The following C6orf52 variants were observed in gnomAD, a reference collection of about 807,000 sequenced individuals.
The protein encoded by C6orf52 is putative uncharacterized protein C6orf52.
Under a neutral mutation model 16.6 loss-of-function variants are expected in C6orf52, and 16 were observed. That is an observed-to-expected ratio of 0.96 (90% confidence interval 0.65 to 1.46). The LOEUF (loss-of-function observed/expected upper bound fraction) is 1.46, where lower values mean the gene tolerates loss of function less well. C6orf52 is among the 40% of genes most tolerant of loss of function. The probability of loss-of-function intolerance (pLI) is 0.00; values close to 1 mark genes in which losing one functional copy is unlikely to be tolerated. For synonymous variants in C6orf52, 53 were observed against 61.4 expected (o/e 0.86, Z 0.64); for missense variants, 166 against 182.3 (o/e 0.91, Z 0.52).
chr6:10,688,850 C>T (rs549805007), intron 1 of C6orf52, among the ~76,000 whole-genome samples: 26 of 152,334 alleles, frequency 1.7e-4, no homozygotes, highest in African/African-American at 5.3e-4. Context: ...CTCCCTCTGT[C>T]ACCCAGGCTG....
intron 1 of C6orf52, among the ~76,000 whole-genome samples, chr6:10,693,735 T>A (rs1371079942): frequency 6.8e-6 from 1 of 146,704 alleles, no homozygotes; most frequent in East Asian, 2.1e-4. Flanking sequence ...TAAATAAAAC[T>A]TTTTTTTTCT....
At chr6:10,676,973 T>G (rs1273000272) in intron 4 of C6orf52, among the ~76,000 whole-genome samples, 1 of 152,266 alleles carries the variant, frequency 6.6e-6, no homozygotes, top group Non-Finnish European at 1.5e-5. Flanking sequence ...TTGTCTGTCT[T>G]CACTCTGTTA....
chr6:10,690,395 G>A (rs1374047397), intron 1 of C6orf52, among the ~76,000 whole-genome samples: 1 of 152,126 alleles, frequency 6.6e-6, no homozygotes, highest in Non-Finnish European at 1.5e-5. Flanking sequence ...CTTCGTGCTG[G>A]AAATACAAAG....
intron 4 of C6orf52, among the ~76,000 whole-genome samples, chr6:10,676,052 C>T (rs1234680321): frequency 2.0e-5 from 3 of 152,078 alleles, no homozygotes; most frequent in African/African-American, 4.8e-5. Context: ...TTCATTTGAA[C>T]GGGGGAGGCG....
chr6:10,690,984 C>T (rs1289699768), intron 1 of C6orf52, among the ~76,000 whole-genome samples: 1 of 152,176 alleles, frequency 6.6e-6, no homozygotes, highest in Non-Finnish European at 1.5e-5. Flanking sequence ...CACAGCCATG[C>T]ATAAAATGAA....
chr6:10,691,267 ATTCGGCCGGGATC>A (rs1289922169), intron 1 of C6orf52, among the ~76,000 whole-genome samples: 2 of 152,230 alleles, frequency 1.3e-5, no homozygotes, highest in Non-Finnish European at 2.9e-5. Flanking sequence ...GAAGGGCTTT[ATTCGGCCGGGATC>A]TTCGGCAAGA....
chr6:10,671,721 A>G (rs527361766), intron 4 of C6orf52, 123 bp from the exon 5 acceptor site: 1 of 542,744 alleles, frequency 1.8e-6, no homozygotes, highest in South Asian at 3.3e-5. Context: ...GTAAAGGTTA[A>G]AATTCTTAAA....
At position 10,684,937 on chromosome 6, in the gene C6orf52, A is replaced by G. The variant is rs915431276; in HGVS notation, c.271-1705T>C. On this transcript the variant is annotated intron_variant, in intron 3 of 4. Transcript: ENST00000259983. ...CACAGGGGGTCACTACAGCCACAAA[A>G]GATAACATATTTATATAATTCTTGT... 21 of 1,255,772 alleles carry G rather than the reference A, an allele frequency of 1.7e-5. No homozygotes were observed. The South Asian group carries it at 2.6e-4, about 15-fold the overall frequency. The allele number at this position is 1,255,772 out of a possible 1,614,324, so 77.8% of individuals were successfully genotyped here. A position where few individuals can be genotyped will look rare whatever the true frequency, so the allele number is the denominator to read the frequency against.
chr6:10,677,475 G>C (rs1463918396), intron 4 of C6orf52, among the ~76,000 whole-genome samples: 1 of 150,182 alleles, frequency 6.7e-6, no homozygotes, highest in African/African-American at 2.5e-5. Context: ...TTTTGGCTCA[G>C]ATTGCTTTGG....
intron 4 of C6orf52, among the ~76,000 whole-genome samples, chr6:10,673,351 A>G (rs1561864322): frequency 6.6e-6 from 1 of 152,218 alleles, no homozygotes; most frequent in East Asian, 1.9e-4. Context: ...TCAAAACTAT[A>G]ATAGAAGCCT....
At chr6:10,693,249 C>T (rs2127475080) in intron 1 of C6orf52, among the ~76,000 whole-genome samples, 1 of 152,362 alleles carries the variant, frequency 6.6e-6, no homozygotes, top group Non-Finnish European at 1.5e-5. Flanking sequence ...ACAAATATGT[C>T]TGCTTTTCCT....
chr6:10,680,687 T>C (rs946764654), intron 4 of C6orf52, among the ~76,000 whole-genome samples: 5 of 151,994 alleles, frequency 3.3e-5, no homozygotes, highest in African/African-American at 1.2e-4. Context: ...AGCCTAAGAG[T>C]TTGAGACCAA....
chr6:10,694,260 C>CAAAAAAAAA (rs57435593), intron 1 of C6orf52, among the ~76,000 whole-genome samples: 13 of 62,470 alleles, frequency 2.1e-4, no homozygotes, highest in African/African-American at 5.5e-4. Flanking sequence ...AACTCCGTCT[C>CAAAAAAAAA]AAAAAAAAAA....
intron 4 of C6orf52, among the ~76,000 whole-genome samples, chr6:10,675,112 A>G (rs1240308683): frequency 6.6e-6 from 1 of 152,010 alleles, no homozygotes; most frequent in Non-Finnish European, 1.5e-5. Flanking sequence ...CCCAGCCTAC[A>G]ATAAATCTCT....
chr6:10,677,732 C>T (rs540653140), intron 4 of C6orf52, among the ~76,000 whole-genome samples: 1 of 151,758 alleles, frequency 6.6e-6, no homozygotes, highest in Non-Finnish European at 1.5e-5. Context: ...CGGGGTTTCA[C>T]CATGTTGACC....
chr6:10,679,917 A>G (rs1176283069), intron 4 of C6orf52, among the ~76,000 whole-genome samples: 1 of 152,206 alleles, frequency 6.6e-6, no homozygotes, highest in Non-Finnish European at 1.5e-5. Flanking sequence ...AGTTTTTATC[A>G]TGAAGAGATA....
At chr6:10,674,639 CTTTTTTTTT>C (rs78122068) in intron 4 of C6orf52, 4 of 126,338 alleles carry the variant, frequency 3.2e-5, no homozygotes, top group African/African-American at 5.8e-5. Context: ...TTCTTTCTTT[CTTTTTTTTT>C]TTTTTTTTTA....
chr6:10,679,577 AAAAC>A (rs1334630528), intron 4 of C6orf52, among the ~76,000 whole-genome samples: 7 of 137,428 alleles, frequency 5.1e-5, no homozygotes, highest in African/African-American at 2.5e-4. Context: ...TTAAAAAAAA[AAAAC>A]AAAAAACAAA....
intron 1 of C6orf52, among the ~76,000 whole-genome samples, chr6:10,688,615 G>C (rs1017976510): frequency 5.9e-5 from 9 of 152,000 alleles, no homozygotes; most frequent in South Asian, 2.1e-4. Context: ...CAAAATCCTT[G>C]GATGCCCAAG....
Sources: allele counts gnomAD v4.1 joint callset (sites outside exome capture counted in the v4.1 genomes callset), GRCh38; gene constraint gnomAD v4.1.1; transcripts MANE v1.5; gene names NCBI Gene and HGNC (gene_info 2026-07-23, HGNC 2026-07-21).